Variants in RSRC1 observed in about 807,000 individuals in gnomAD.
RSRC1 encodes the protein arginine and serine rich coiled-coil 1, also known as serine/Arginine-related protein 53.
A neutral mutation model predicts 49.1 loss-of-function variants in RSRC1; 39 were observed. That is an observed-to-expected ratio of 0.79 (90% CI 0.61 to 1.04). RSRC1 has a LOEUF of 1.04. RSRC1 is among the 50% of genes least tolerant of loss of function. RSRC1 has a pLI of 0.00. For missense variants in RSRC1, 388 were observed against 402.4 expected, an observed-to-expected ratio of 0.96 and a Z score of 0.31; for synonymous variants, 143 against 130.8, an observed-to-expected ratio of 1.09 and a Z score of -0.63.
At chr3:158,365,688 G>A (rs193264886) in intron 6 of RSRC1, among the ~76,000 whole-genome samples, 3 of 152,158 alleles carry the variant, frequency 2.0e-5, no homozygotes, top group African/African-American at 4.8e-5. Flanking sequence ...GGGTCAAATG[G>A]GATTTCTGGT....
rs955285693 is a variant in RSRC1 at position 158,237,043 on chromosome 3, T to G, written c.494+33798T>G. 2.0e-5 allele frequency among the ~76,000 whole-genome samples: 3 copies of G among 152,188 alleles called. No homozygotes were observed. In the East Asian group the frequency reaches 5.8e-4, roughly 29 times the overall value. On this transcript the variant is annotated intron_variant, in intron 4 of 9. Transcript: ENST00000611884. Reference sequence around the variant, plus strand: ...TCAGGCTTACCAAGAATTATATTCTTGAAACAACATTATGTGTCAAGCGCT... The same window carrying G: ...TCAGGCTTACCAAGAATTATATTCTGGAAACAACATTATGTGTCAAGCGCT...
chr3:158,267,858 C>CTTTTTTTTTTTTTTTTTTTTTTTTTTTT (rs377128391), intron 4 of RSRC1, among the ~76,000 whole-genome samples: 1 of 91,256 alleles, frequency 1.1e-5, no homozygotes, highest in East Asian at 3.6e-4. Context: ...GTTTCCATAT[C>CTTTTTTTTTTTTTTTTTTTTTTTTTTTT]TATTTTTTTT....
At chr3:158,492,003 A>G (rs1220548348) in intron 7 of RSRC1, among the ~76,000 whole-genome samples, 2 of 152,232 alleles carry the variant, frequency 1.3e-5, no homozygotes, top group Non-Finnish European at 2.9e-5. Context: ...TAATAAAGAA[A>G]AAAGGTTTAA....
At chr3:158,368,692 T>C (rs1731907514) in intron 6 of RSRC1, among the ~76,000 whole-genome samples, 1 of 152,224 alleles carries the variant, frequency 6.6e-6, no homozygotes, top group Admixed American at 6.5e-5. Context: ...CTTGCTTATA[T>C]ATTAGATATA....
chr3:158,359,571 G>A (rs964813358), intron 6 of RSRC1, among the ~76,000 whole-genome samples: 4 of 152,106 alleles, frequency 2.6e-5, no homozygotes, highest in Non-Finnish European at 2.9e-5. Context: ...ACTACAAGCA[G>A]CTTCCACAGC....
intron 6 of RSRC1, among the ~76,000 whole-genome samples, chr3:158,368,282 A>G (rs1731886120): frequency 2.6e-5 from 4 of 152,206 alleles, no homozygotes; most frequent in African/African-American, 9.7e-5. Context: ...GTCAGTATAA[A>G]GCAGATCATC....
chr3:158,350,664 A>G (rs2108231565), intron 5 of RSRC1, among the ~76,000 whole-genome samples: 1 of 152,316 alleles, frequency 6.6e-6, no homozygotes, highest in African/African-American at 2.4e-5. Flanking sequence ...AGTTTCTATC[A>G]TATAAAGTAC....
At chr3:158,401,772 A>T (rs1733905903) in intron 6 of RSRC1, among the ~76,000 whole-genome samples, 1 of 152,044 alleles carries the variant, frequency 6.6e-6, no homozygotes, top group Non-Finnish European at 1.5e-5. Flanking sequence ...AACCTATGTG[A>T]TAAGGTCTTT....
intron 8 of RSRC1, among the ~76,000 whole-genome samples, chr3:158,542,947 T>G (rs1040974854): frequency 6.6e-6 from 1 of 152,180 alleles, no homozygotes; most frequent in African/African-American, 2.4e-5. Context: ...AGAATTTAGA[T>G]ATATGAAATA....
intron 3 of RSRC1, among the ~76,000 whole-genome samples, chr3:158,173,897 G>GA (rs977463176): frequency 6.6e-6 from 1 of 151,604 alleles, no homozygotes; most frequent in Non-Finnish European, 1.5e-5. Context: ...AAATATTCAG[G>GA]AAAAAACAGT....
At chr3:158,125,885 T>C (rs1715593133) in intron 3 of RSRC1, among the ~76,000 whole-genome samples, 1 of 152,170 alleles carries the variant, frequency 6.6e-6, no homozygotes, top group African/African-American at 2.4e-5. Flanking sequence ...TTGAGTGCTC[T>C]GGTGTTAGGT....
At chr3:158,356,356 T>C (rs919210901) in intron 6 of RSRC1, among the ~76,000 whole-genome samples, 3 of 152,088 alleles carry the variant, frequency 2.0e-5, no homozygotes, top group African/African-American at 4.8e-5. Flanking sequence ...ATTAGTTCTT[T>C]GTATTCTCAT....
chr3:158,515,290 C>A (rs376501127), intron 7 of RSRC1, among the ~76,000 whole-genome samples: 4 of 150,928 alleles, frequency 2.7e-5, no homozygotes. Flanking sequence ...TTAGGGCAGG[C>A]CTGGTGGTGA....
At chr3:158,339,166 C>T (rs1341240209) in intron 5 of RSRC1, among the ~76,000 whole-genome samples, 2 of 151,936 alleles carry the variant, frequency 1.3e-5, no homozygotes, top group East Asian at 3.9e-4. Context: ...GTGGCGGGCG[C>T]CTGTAGTCCC....
At chr3:158,129,160 G>C (rs1344895746) in intron 3 of RSRC1, among the ~76,000 whole-genome samples, 1 of 151,668 alleles carries the variant, frequency 6.6e-6, no homozygotes, top group East Asian at 1.9e-4. Flanking sequence ...TCTCTCAGTG[G>C]TTTTTTTCTG....
At chr3:158,253,659 G>A (rs181440493) in intron 4 of RSRC1, among the ~76,000 whole-genome samples, 68 of 152,072 alleles carry the variant, frequency 4.5e-4, no homozygotes, top group Non-Finnish European at 1.6e-4. Context: ...GCTGAAATTG[G>A]GGTGTTAAAA....
chr3:158,235,629 T>G (rs926570765), intron 4 of RSRC1, among the ~76,000 whole-genome samples: 2 of 136,302 alleles, frequency 1.5e-5, no homozygotes, highest in Admixed American at 7.3e-5. Flanking sequence ...AATTTTTACT[T>G]AAGATTAAAT....
At chr3:158,363,288 T>G (rs1256618964) in intron 6 of RSRC1, among the ~76,000 whole-genome samples, 1 of 146,034 alleles carries the variant, frequency 6.8e-6, no homozygotes, top group Non-Finnish European at 1.5e-5. Flanking sequence ...TTTTTTGACA[T>G]AGTCTTGCTC....
intron 1 of RSRC1, chr3:158,110,690 C>T (rs1165641482): frequency 1.3e-5 from 2 of 152,526 alleles, no homozygotes; most frequent in East Asian, 3.9e-4. Context: ...AGCTCTCTTT[C>T]TGATTCCGCC....
Sources: allele counts gnomAD v4.1 joint callset (sites outside exome capture counted in the v4.1 genomes callset), GRCh38; gene constraint gnomAD v4.1.1; transcripts MANE v1.5; gene names NCBI Gene and HGNC (gene_info 2026-07-23, HGNC 2026-07-21).